The following COG5 variants were observed in gnomAD, a reference collection of about 807,000 sequenced individuals.
COG5 encodes the protein component of oligomeric golgi complex 5.
A neutral mutation model predicts 110.4 loss-of-function variants in COG5; 86 were observed. That is an observed-to-expected ratio of 0.78 (90% CI 0.65 to 0.93). COG5 has a LOEUF of 0.93. Among genes scored for constraint, COG5 ranks in the 40% least tolerant of loss-of-function variants. The pLI is 0.00. For synonymous variants in COG5, 360 were observed against 334.6 expected (o/e 1.08, Z -0.83); for missense variants, 1,077 against 987.0 (o/e 1.09, Z -1.22).
At chr7:107,489,658 G>A (rs1261926721) in intron 6 of COG5, among the ~76,000 whole-genome samples, 1 of 152,142 alleles carries the variant, frequency 6.6e-6, no homozygotes, top group East Asian at 1.9e-4. Context: ...ACTTACTTCA[G>A]AATGCACGTT....
At position 107,447,378 on chromosome 7, in the gene COG5, G is replaced by T. The variant is rs150319504; in HGVS notation, c.539-34746C>A. On this transcript the variant is annotated intron_variant, in intron 6 of 21. Coordinates refer to ENST00000297135, the MANE Select transcript of COG5 (RefSeq NM_006348.5). The stretch of plus-strand genomic sequence containing the variant: ...TCACCACATAATGTAACATATTTGG[G>T]GGTTTTAGGAAATAGGACATGGACA... Among the ~76,000 whole-genome samples the T allele has an allele frequency of 1.4e-4, 21 of 152,202 alleles. No individual in the cohort carries two copies. The East Asian group carries it at 4.1e-3, about 29-fold the overall frequency.
chr7:107,241,762 A>G (rs903027401), intron 17 of COG5, among the ~76,000 whole-genome samples: 10 of 151,594 alleles, frequency 6.6e-5, no homozygotes, highest in East Asian at 1.9e-4. Context: ...TGTGCTTCAT[A>G]TATTTTTTAA....
intron 7 of COG5, among the ~76,000 whole-genome samples, chr7:107,402,302 G>A (rs1258990866): frequency 6.6e-6 from 1 of 152,140 alleles, no homozygotes; most frequent in Non-Finnish European, 1.5e-5. Context: ...CCACAGGGTC[G>A]AGATTATAGC....
At chr7:107,532,463 A>G (rs1801282418) in intron 5 of COG5, among the ~76,000 whole-genome samples, 1 of 152,232 alleles carries the variant, frequency 6.6e-6, no homozygotes, top group South Asian at 2.1e-4. Context: ...TCACATAAAT[A>G]TTCATTTGAT....
intron 7 of COG5, among the ~76,000 whole-genome samples, chr7:107,378,682 AAGATC>A (rs1283011994): frequency 6.6e-6 from 1 of 152,228 alleles, no homozygotes; most frequent in Non-Finnish European, 1.5e-5. Context: ...TAAAAGATTG[AAGATC>A]AGCTCAATGA....
chr7:107,312,415 G>C (rs1030657987), intron 11 of COG5, among the ~76,000 whole-genome samples: 1 of 152,196 alleles, frequency 6.6e-6, no homozygotes, highest in African/African-American at 2.4e-5. Context: ...TTATAATGCA[G>C]TGGGCTAAGT....
At chr7:107,510,682 A>C (rs1452739572) in intron 6 of COG5, among the ~76,000 whole-genome samples, 3 of 152,244 alleles carry the variant, frequency 2.0e-5, no homozygotes, top group Non-Finnish European at 4.4e-5. Context: ...AACAGAAATT[A>C]TAACAAACTG....
chr7:107,450,652 T>C (rs995720350), intron 6 of COG5, among the ~76,000 whole-genome samples: 6 of 152,154 alleles, frequency 3.9e-5, no homozygotes, highest in South Asian at 2.1e-4. Flanking sequence ...GCTAGCTCCA[T>C]TGTATTGTGC....
intron 21 of COG5, among the ~76,000 whole-genome samples, chr7:107,204,007 G>C (rs188853071): frequency 2.2e-4 from 33 of 152,290 alleles, no homozygotes; most frequent in Non-Finnish European, 4.4e-4. Context: ...GGCATCCTGC[G>C]CCTCTGAAAG....
intron 10 of COG5, among the ~76,000 whole-genome samples, chr7:107,357,449 A>G (rs1409087192): frequency 6.6e-6 from 1 of 152,198 alleles, no homozygotes; most frequent in Non-Finnish European, 1.5e-5. Flanking sequence ...CTGGTAATTT[A>G]CATTAAAATT....
chr7:107,455,889 G>A lies in COG5; in HGVS notation c.539-43257C>T, dbSNP rs118120289. 1.6e-3 allele frequency among the ~76,000 whole-genome samples: 245 copies of A among 151,622 alleles called. 3 individuals carry two copies. Among genetic ancestry groups the A allele is most frequent in the Non-Finnish European group, 2.4e-3 (164 of 67,644 alleles). ...GCACACTGCAACCTCTGCCTCCCGC[G>A]TTCAAGCGATTCTTGTGCCTCAGCC... is the stretch of plus-strand genomic sequence containing the variant. On this transcript the variant is annotated intron_variant, in intron 6 of 21. Coordinates refer to ENST00000297135, the MANE Select transcript of COG5 (RefSeq NM_006348.5).
Position 107,509,895 on chromosome 7 carries a change from A to G in COG5, c.538+17342T>C, listed in dbSNP as rs984242094. 1.9e-3 allele frequency among the ~76,000 whole-genome samples: 287 copies of G among 152,280 alleles called. 2 individuals carry two copies. Among genetic ancestry groups the G allele is most frequent in the African/African-American group, 6.6e-3 (276 of 41,546 alleles). On this transcript the variant is annotated intron_variant, in intron 6 of 21. Coordinates refer to ENST00000297135, the MANE Select transcript of COG5 (RefSeq NM_006348.5). ...GGCCTGCCCTAAAAGAGCTCCTGAA[A>G]GAAGCACTAAACATGGAAAGGAACA...
chr7:107,275,760 G>A (rs1408020776), intron 14 of COG5, among the ~76,000 whole-genome samples: 2 of 151,652 alleles, frequency 1.3e-5, no homozygotes, highest in East Asian at 3.9e-4. Flanking sequence ...CTGACCTGAG[G>A]TGATCTGCCC....
intron 17 of COG5, among the ~76,000 whole-genome samples, chr7:107,240,209 T>C (rs1370995414): frequency 6.6e-6 from 1 of 152,162 alleles, no homozygotes; most frequent in Non-Finnish European, 1.5e-5. Context: ...GATTACTCTT[T>C]ACTTATTTAT....
At chr7:107,239,777 G>C (rs1192744356) in intron 17 of COG5, among the ~76,000 whole-genome samples, 1 of 152,086 alleles carries the variant, frequency 6.6e-6, no homozygotes, top group African/African-American at 2.4e-5. Context: ...CCACATATTT[G>C]TGAAATTTCG....
intron 5 of COG5, among the ~76,000 whole-genome samples, chr7:107,539,263 C>T (rs1396510271): frequency 6.6e-6 from 1 of 152,128 alleles, no homozygotes; most frequent in African/African-American, 2.4e-5. Context: ...TAATGAAACC[C>T]AGTTTTTTCC....
At chr7:107,277,928 A>T (rs755831088) in intron 14 of COG5, among the ~76,000 whole-genome samples, 2 of 152,186 alleles carry the variant, frequency 1.3e-5, no homozygotes, top group Non-Finnish European at 2.9e-5. Context: ...AACGCACTCT[A>T]TATGTAATTT....
At chr7:107,510,256 T>C (rs916517314) in intron 6 of COG5, among the ~76,000 whole-genome samples, 19 of 152,000 alleles carry the variant, frequency 1.3e-4, no homozygotes, top group Non-Finnish European at 2.8e-4. Context: ...TCCTAGTCTC[T>C]GATAAAACAG....
intron 6 of COG5, among the ~76,000 whole-genome samples, chr7:107,454,118 C>T (rs1354272870): frequency 6.6e-6 from 1 of 151,864 alleles, no homozygotes; most frequent in East Asian, 1.9e-4. Flanking sequence ...AAGCAGTTGC[C>T]TAGTGTATAT....
Sources: gnomAD v4.1 joint callset for allele counts (sites outside exome capture counted in the v4.1 genomes callset) on GRCh38, gnomAD v4.1.1 for gene constraint, MANE v1.5 for transcripts, NCBI Gene and HGNC (gene_info 2026-07-23, HGNC 2026-07-21) for gene names.